The following CDKN2B-AS1 variants were observed in gnomAD, a reference collection of about 807,000 sequenced individuals.
The protein encoded by CDKN2B-AS1 is CDKN2B antisense RNA 1 (non-protein coding).
At chr9:22,119,597 T>A (rs1176176364) in intron 4 of CDKN2B-AS1, 1 of 152,266 alleles carries the variant, frequency 6.6e-6, no homozygotes, top group Non-Finnish European at 1.5e-5. Context: ...TTCTCTATTA[T>A]ACTGTAGGTG....
At chr9:22,040,433 A>T (rs999212946) in intron 1 of CDKN2B-AS1, among the ~76,000 whole-genome samples, 6 of 152,048 alleles carry the variant, frequency 3.9e-5, no homozygotes, top group Admixed American at 3.9e-4. Flanking sequence ...AGTTCAATCC[A>T]GATGTTCACA....
chr9:22,100,549 T>C (rs1159375639), intron 4 of CDKN2B-AS1, among the ~76,000 whole-genome samples: 1 of 152,210 alleles, frequency 6.6e-6, no homozygotes, highest in Non-Finnish European at 1.5e-5. Context: ...CCACCTTTTG[T>C]TTTTCTGTTC....
intron 1 of CDKN2B-AS1, chr9:22,030,001 T>C (rs1822402760): frequency 6.6e-6 from 1 of 152,314 alleles, no homozygotes; most frequent in African/African-American, 2.4e-5. Flanking sequence ...ATTTTAAGTC[T>C]ATTTTGTTAG....
chr9:22,008,101 T>C (rs1343255692), intron 1 of CDKN2B-AS1, among the ~76,000 whole-genome samples: 1 of 152,214 alleles, frequency 6.6e-6, no homozygotes, highest in Admixed American at 6.5e-5. Context: ...ATAAGTGTAT[T>C]TTAACAATGA....
intron 1 of CDKN2B-AS1, among the ~76,000 whole-genome samples, chr9:22,018,551 G>C (rs1384029369): frequency 1.3e-5 from 2 of 152,156 alleles, no homozygotes; most frequent in African/African-American, 4.8e-5. Context: ...CAGCTACTCG[G>C]GAGGCTGAGG....
chr9:22,012,852 G>A (rs775334412), intron 1 of CDKN2B-AS1, among the ~76,000 whole-genome samples: 2 of 151,802 alleles, frequency 1.3e-5, no homozygotes, highest in South Asian at 2.1e-4. Flanking sequence ...TTATTGCTCC[G>A]TGATCCACAG....
intron 4 of CDKN2B-AS1, among the ~76,000 whole-genome samples, chr9:22,117,076 G>T (rs1360884200): frequency 6.6e-6 from 1 of 152,198 alleles, no homozygotes; most frequent in African/African-American, 2.4e-5. Flanking sequence ...GAAGAAAAAT[G>T]TTATGCATCT....
intron 4 of CDKN2B-AS1, among the ~76,000 whole-genome samples, chr9:22,101,415 C>T (rs957601387): frequency 1.5e-4 from 23 of 151,926 alleles, no homozygotes; most frequent in African/African-American, 5.3e-4. Context: ...TGATAAATGG[C>T]CACAGAAGTA....
chr9:22,062,105 G>A (rs555914440), intron 4 of CDKN2B-AS1: 2 of 152,282 alleles, frequency 1.3e-5, no homozygotes, highest in South Asian at 4.1e-4. Flanking sequence ...TCTGTGAAGG[G>A]AAGATACAGG....
chr9:22,128,029 A>T (rs1818041106), exon 5 of CDKN2B-AS1, among the ~76,000 whole-genome samples: 1 of 152,234 alleles, frequency 6.6e-6, no homozygotes, highest in African/African-American at 2.4e-5. Context: ...AATGATGATC[A>T]TACTAACTTA....
chr9:22,063,305 A>G (rs1358893256), intron 4 of CDKN2B-AS1, among the ~76,000 whole-genome samples: 1 of 152,136 alleles, frequency 6.6e-6, no homozygotes, highest in Non-Finnish European at 1.5e-5. Flanking sequence ...TTGTGACACC[A>G]CATTCCCCTG....
At chr9:22,052,269 A>T (rs1468409174) in intron 3 of CDKN2B-AS1, among the ~76,000 whole-genome samples, 1 of 152,194 alleles carries the variant, frequency 6.6e-6, no homozygotes, top group East Asian at 1.9e-4. Context: ...TCTATATACA[A>T]AGCCCTACAT....
intron 4 of CDKN2B-AS1, among the ~76,000 whole-genome samples, chr9:22,060,166 T>C (rs1823755456): frequency 6.6e-6 from 1 of 152,188 alleles, no homozygotes; most frequent in Admixed American, 6.5e-5. Context: ...TCCCAGAAAA[T>C]GGGTTTTTCT....
intron 4 of CDKN2B-AS1, among the ~76,000 whole-genome samples, chr9:22,094,152 C>T (rs1460027376): frequency 6.9e-6 from 1 of 144,066 alleles, no homozygotes; most frequent in Non-Finnish European, 1.5e-5. Context: ...GGCCCCCACT[C>T]TCTTCTGGCT....
chr9:22,038,412 T>G (rs1338310014), intron 1 of CDKN2B-AS1, among the ~76,000 whole-genome samples: 1 of 152,030 alleles, frequency 6.6e-6, no homozygotes, highest in Non-Finnish European at 1.5e-5. Flanking sequence ...AGCGCAGATT[T>G]GATAAATCTG....
chr9:22,029,133 T>C lies in CDKN2B-AS1; in HGVS notation n.30-17618T>C, dbSNP rs189482933. 6.7e-4 allele frequency among the ~76,000 whole-genome samples: 102 copies of C among 152,086 alleles called. 2 individuals carry two copies. In the East Asian group the frequency reaches 0.017, roughly 25 times the overall value. ...TAGCAGCTAATATACACAGAACGAA[T>C]CTTAGAATTAGAAAATCACTATATT... is the stretch of plus-strand genomic sequence containing the variant. On this transcript the variant is annotated intron_variant and non_coding_transcript_variant, in intron 1 of 4. Coordinates refer to ENST00000650946, the Ensembl canonical transcript of CDKN2B-AS1.
chr9:22,032,609 G>C (rs1322603922), intron 1 of CDKN2B-AS1: 2 of 151,868 alleles, frequency 1.3e-5, no homozygotes, highest in Non-Finnish European at 2.9e-5. Flanking sequence ...TTATGGGAGT[G>C]TCTTTATTCT....
intron 4 of CDKN2B-AS1, among the ~76,000 whole-genome samples, chr9:22,115,245 C>T (rs150978697): frequency 6.6e-6 from 1 of 152,150 alleles, no homozygotes; most frequent in East Asian, 1.9e-4. Context: ...TGTGCATGAC[C>T]TCTTTAGTTT....
At chr9:22,055,958 A>G (rs968790930) in intron 3 of CDKN2B-AS1, among the ~76,000 whole-genome samples, 2 of 152,136 alleles carry the variant, frequency 1.3e-5, no homozygotes, top group Non-Finnish European at 2.9e-5. Context: ...GTATGGAGGA[A>G]GAAAGCATAT....
Sources: allele counts gnomAD v4.1 joint callset (sites outside exome capture counted in the v4.1 genomes callset), GRCh38; gene constraint gnomAD v4.1.1; transcripts MANE v1.5; gene names NCBI Gene and HGNC (gene_info 2026-07-23, HGNC 2026-07-21).